The following RALYL variants were observed in gnomAD, a reference collection of about 807,000 sequenced individuals.
RALYL encodes RNA-binding Raly-like protein.
In RALYL, 29 loss-of-function variants were observed where a neutral mutation model predicts 35.1. The observed-to-expected ratio is 0.83, with a 90% CI of 0.61 to 1.13. The LOEUF (loss-of-function observed/expected upper bound fraction) is 1.13. Ranked by LOEUF, RALYL falls within the 50% of genes most tolerant of loss-of-function variation. The pLI is 0.00. For missense variants in RALYL, 359 were observed against 360.4 expected (o/e 1.00, Z 0.03); for synonymous variants, 120 against 127.6 (o/e 0.94, Z 0.40).
At chr8:84,586,245 G>A (rs1811982471) in intron 2 of RALYL, among the ~76,000 whole-genome samples, 1 of 151,566 alleles carries the variant, frequency 6.6e-6, no homozygotes, top group East Asian at 1.9e-4. Flanking sequence ...ATACTCTCCT[G>A]ATTTCAGAAA....
At chr8:84,524,847 T>C (rs1254552057) in intron 1 of RALYL, among the ~76,000 whole-genome samples, 1 of 152,002 alleles carries the variant, frequency 6.6e-6, no homozygotes, top group Non-Finnish European at 1.5e-5. Context: ...GAACTTTTTA[T>C]TCTTCTGAAA....
intron 2 of RALYL, among the ~76,000 whole-genome samples, chr8:84,757,820 T>C (rs1811785743): frequency 2.0e-5 from 3 of 152,188 alleles, no homozygotes; most frequent in Admixed American, 2.0e-4. Flanking sequence ...TGAATGTATA[T>C]GGTAGGCTGG....
At chr8:84,656,516 G>A (rs1366303752) in intron 2 of RALYL, among the ~76,000 whole-genome samples, 2 of 152,108 alleles carry the variant, frequency 1.3e-5, no homozygotes, top group Admixed American at 1.3e-4. Context: ...TTTGTATTCT[G>A]ATTTTATAAC....
At chr8:84,449,084 T>TG (rs2049163616) in intron 1 of RALYL, among the ~76,000 whole-genome samples, 1 of 149,736 alleles carries the variant, frequency 6.7e-6, no homozygotes, top group Non-Finnish European at 1.5e-5. Context: ...TTTTGTTTTT[T>TG]TTTTTTTTTT....
rs2053748212 is a variant in RALYL, at chr8:84,478,969, C to CCAGCTACT, written c.-23-50328_-23-50321dup. ...GGCATGGTGGCGGGCGCCTATAGTC[C>CCAGCTACT]CAGCTACTCGGGAGGCTGAGGCAGG... is the stretch of plus-strand genomic sequence containing the variant. On this transcript the variant is annotated intron_variant, in intron 1 of 8. Coordinates refer to ENST00000521268, the MANE Select transcript of RALYL (RefSeq NM_173848.7). Among the ~76,000 whole-genome samples the CCAGCTACT allele has an allele frequency of 2.1e-5, 3 of 144,262 alleles. No homozygotes were observed. In the East Asian group the frequency reaches 6.3e-4, roughly 30 times the overall value. 94.6% of individuals were successfully genotyped at this position (144,262 alleles called of 152,430 possible).
chr8:84,418,240 C>T (rs572312392), intron 1 of RALYL, among the ~76,000 whole-genome samples: 1 of 152,172 alleles, frequency 6.6e-6, no homozygotes, highest in African/African-American at 2.4e-5. Flanking sequence ...GATTACGGAA[C>T]CTTGGGCACA....
chr8:84,524,113 C>T (rs1050949522), intron 1 of RALYL, among the ~76,000 whole-genome samples: 12 of 152,064 alleles, frequency 7.9e-5, no homozygotes, highest in Non-Finnish European at 1.5e-4. Flanking sequence ...AATGGTTGAA[C>T]TAGTTTACAG....
At chr8:84,842,824 C>A (rs1230200148) in intron 4 of RALYL, among the ~76,000 whole-genome samples, 1 of 152,150 alleles carries the variant, frequency 6.6e-6, no homozygotes, top group Non-Finnish European at 1.5e-5. Context: ...ATAAGCAAAT[C>A]AATAAACGTT....
At chr8:84,391,515 TC>T (rs1860694284) in intron 1 of RALYL, among the ~76,000 whole-genome samples, 1 of 152,070 alleles carries the variant, frequency 6.6e-6, no homozygotes, top group African/African-American at 2.4e-5. Flanking sequence ...AACCTCCTTT[TC>T]AGTTCATTGT....
intron 2 of RALYL, chr8:84,706,170 G>C: frequency 9.6e-7 from 1 of 1,036,734 alleles, no homozygotes; most frequent in Non-Finnish European, 1.4e-6. Context: ...TAGTAGAAAA[G>C]ATACTGTAGC....
chr8:84,589,305 GA>G (rs1375851124), intron 2 of RALYL, among the ~76,000 whole-genome samples: 1 of 152,198 alleles, frequency 6.6e-6, no homozygotes, highest in Non-Finnish European at 1.5e-5. Context: ...ATGGATAGGA[GA>G]AAAATGTAGC....
chr8:84,870,156 G>A (rs1839936287), intron 6 of RALYL, among the ~76,000 whole-genome samples: 1 of 151,788 alleles, frequency 6.6e-6, no homozygotes, highest in Admixed American at 6.6e-5. Flanking sequence ...ATTTTTGTTT[G>A]GTAATTCTAA....
rs1823718726 is a variant in RALYL at position 84,630,646 on chromosome 8, T to C, written c.256+101069T>C. On this transcript the variant is annotated intron_variant, in intron 2 of 8. Coordinates refer to ENST00000521268, the MANE Select transcript of RALYL (RefSeq NM_173848.7). ...ACTAGAAACTGTTAAATGAAGTTGA[T>C]TTGAGAAAACTAAACACCAAAATAT... Among the ~76,000 whole-genome samples the C allele has an allele frequency of 2.0e-5, 3 of 151,968 alleles. No individual in the cohort carries two copies. In the South Asian group the frequency reaches 6.2e-4, roughly 31 times the overall value.
At chr8:84,358,505 AGATT>A (rs1852315635) in intron 1 of RALYL, among the ~76,000 whole-genome samples, 1 of 152,018 alleles carries the variant, frequency 6.6e-6, no homozygotes. Flanking sequence ...ATATAAAGTA[AGATT>A]GATTAGTAAA....
chr8:84,715,209 T>G (rs1468698962), intron 2 of RALYL, among the ~76,000 whole-genome samples: 34 of 152,042 alleles, frequency 2.2e-4, no homozygotes, highest in Admixed American at 2.2e-3. Flanking sequence ...ACAAATATAT[T>G]GAATGTTTAC....
chr8:84,832,707 C>T (rs140100728), intron 4 of RALYL, among the ~76,000 whole-genome samples: 2 of 152,000 alleles, frequency 1.3e-5, no homozygotes, highest in Non-Finnish European at 2.9e-5. Context: ...GAAACTTTAA[C>T]TTGAAAAATA....
chr8:84,904,287 G>A (rs1407273359), intron 8 of RALYL, among the ~76,000 whole-genome samples: 3 of 152,130 alleles, frequency 2.0e-5, no homozygotes, highest in Non-Finnish European at 4.4e-5. Flanking sequence ...ATTGTAAATA[G>A]AGGACTTATC....
intron 8 of RALYL, among the ~76,000 whole-genome samples, chr8:84,913,600 A>T (rs548732373): frequency 6.6e-6 from 1 of 152,146 alleles, no homozygotes; most frequent in Admixed American, 6.6e-5. Flanking sequence ...ATATGGCATG[A>T]TCATTCATAA....
At chr8:84,788,453 A>G (rs1330777534) in intron 3 of RALYL, among the ~76,000 whole-genome samples, 1 of 152,172 alleles carries the variant, frequency 6.6e-6, no homozygotes, top group Non-Finnish European at 1.5e-5. Flanking sequence ...AAAATGATGT[A>G]TTTTAAAATT....
Sources: gnomAD v4.1 joint callset for allele counts (sites outside exome capture counted in the v4.1 genomes callset) on GRCh38, gnomAD v4.1.1 for gene constraint, MANE v1.5 for transcripts, NCBI Gene and HGNC (gene_info 2026-07-23, HGNC 2026-07-21) for gene names.